The following C2orf74 variants were observed in gnomAD, a reference collection of about 807,000 sequenced individuals.
C2orf74 encodes uncharacterized protein C2orf74.
A neutral mutation model predicts 17.9 loss-of-function variants in C2orf74; 14 were observed. That is an observed-to-expected ratio of 0.78 (90% CI 0.52 to 1.22). The LOEUF (loss-of-function observed/expected upper bound fraction) is 1.22, where lower values mean the gene tolerates loss of function less well. Ranked by LOEUF, C2orf74 falls within the 50% of genes most tolerant of loss-of-function variation. C2orf74 has a pLI of 0.00. For missense variants in C2orf74, 217 were observed against 218.4 expected (o/e 0.99, Z 0.04); for synonymous variants, 79 against 72.6 (o/e 1.09, Z -0.44).
chr2:61,154,418 G>A (rs1159443386), intron 1 of C2orf74, among the ~76,000 whole-genome samples: 3 of 152,126 alleles, frequency 2.0e-5, no homozygotes, highest in Non-Finnish European at 4.4e-5. Context: ...ATAGTGTCCT[G>A]AATGGGGTCC....
At chr2:61,150,105 C>T (rs1385286583) in intron 1 of C2orf74, among the ~76,000 whole-genome samples, 2 of 152,134 alleles carry the variant, frequency 1.3e-5, no homozygotes, top group Non-Finnish European at 2.9e-5. Flanking sequence ...CATGGATATT[C>T]TCTGTAGGGC....
rs1380590834 is a variant in C2orf74 at position 61,164,793 on chromosome 2, C to G, written c.*266C>G. 5 of 263,880 alleles carry G rather than the reference C, an allele frequency of 1.9e-5. No homozygotes were observed. In the Admixed American group the frequency reaches 2.6e-4, roughly 14 times the overall value. 16.3% of individuals were successfully genotyped at this position (263,880 alleles called of 1,614,324 possible). On this transcript the variant is annotated 3_prime_UTR_variant, in exon 5 of 5. Coordinates refer to ENST00000432605, the MANE Select transcript of C2orf74 (RefSeq NM_001143959.4). ...TAAAACTATCTACTCAAACACTGTTCTGGCATGTGAATAAAGTGATTTTTG... is the reference window on the plus strand; with the variant it reads ...TAAAACTATCTACTCAAACACTGTTGTGGCATGTGAATAAAGTGATTTTTG...
upstream of C2orf74, chr2:61,157,958 T>G (rs1486705508): frequency 2.1e-6 from 1 of 471,248 alleles, no homozygotes; most frequent in East Asian, 6.9e-5. Flanking sequence ...GCAGATCCTG[T>G]CACCACGAGT....
chr2:61,148,707 T>C (rs1197785032), intron 1 of C2orf74, among the ~76,000 whole-genome samples: 4 of 152,176 alleles, frequency 2.6e-5, no homozygotes. Context: ...TGTATATGAA[T>C]AGTGTTTAGC....
At chr2:61,152,953 T>C (rs1665274) in intron 1 of C2orf74, among the ~76,000 whole-genome samples, 62,458 of 150,684 alleles carry the variant, frequency 0.41, 13,176 homozygotes, top group Middle Eastern at 0.5. Flanking sequence ...GTCAGGAGTT[T>C]GAGACCAGCC....
intron 4 of C2orf74, among the ~76,000 whole-genome samples, chr2:61,164,138 T>C (rs1377466564): frequency 6.6e-6 from 1 of 152,148 alleles, no homozygotes; most frequent in African/African-American, 2.4e-5. Flanking sequence ...TGGAGAGAAT[T>C]ACATGTCACC....
chr2:61,151,541 C>T (rs143741572), intron 1 of C2orf74: 46 of 151,696 alleles, frequency 3.0e-4, no homozygotes, highest in African/African-American at 1.0e-3. Context: ...TCTGAAGACT[C>T]ATTTGGGGGA....
chr2:61,151,684 A>T (rs1295103864), intron 1 of C2orf74: 1 of 152,108 alleles, frequency 6.6e-6, no homozygotes, highest in Non-Finnish European at 1.5e-5. Context: ...TCCTTACAAC[A>T]TGGCAACTGG....
intron 1 of C2orf74, chr2:61,151,577 T>C (rs1685229902): frequency 6.6e-6 from 1 of 151,836 alleles, no homozygotes; most frequent in Admixed American, 6.6e-5. Context: ...CTTCTTCACA[T>C]GGTTATTGGC....
At chr2:61,158,998 T>A (rs990274807), upstream of C2orf74, among the ~76,000 whole-genome samples, 7 of 152,002 alleles carry the variant, frequency 4.6e-5, no homozygotes, top group Admixed American at 2.0e-4. Context: ...TTTGTTTGTT[T>A]GTTTGTTTGT....
chr2:61,164,719 A>AT lies in C2orf74; in HGVS notation c.*198dup. The AT allele has an allele frequency of 2.3e-6, 1 of 425,980 alleles. No homozygotes were observed. The highest frequency in any genetic ancestry group is 4.0e-6 in the Non-Finnish European group (1 of 249,464). 26.4% of individuals were successfully genotyped at this position (425,980 alleles called of 1,614,324 possible). A position where few individuals can be genotyped will look rare whatever the true frequency, so the allele number is the denominator to read the frequency against. On this transcript the variant is annotated 3_prime_UTR_variant, in exon 5 of 5. Transcript: ENST00000432605. ...GTAAAATACTTAGAGCTTGAATATAATTTTTTAAAAATTCAAATCTGAGTT... is the reference window on the plus strand; with the variant it reads ...GTAAAATACTTAGAGCTTGAATATAATTTTTTTAAAAATTCAAATCTGAGTT...
intron 1 of C2orf74, among the ~76,000 whole-genome samples, chr2:61,154,436 A>C (rs1261637435): frequency 1.3e-5 from 2 of 152,116 alleles, no homozygotes; most frequent in African/African-American, 4.8e-5. Context: ...TCCTGGACCC[A>C]AAAAAGACAT....
chr2:61,160,025 T>C (rs773470569), upstream of C2orf74, among the ~76,000 whole-genome samples: 1 of 152,222 alleles, frequency 6.6e-6, no homozygotes, highest in Non-Finnish European at 1.5e-5. Flanking sequence ...CTGCTTTCTG[T>C]GTCTATGAAT....
chr2:61,147,957 T>G (rs903981245), intron 1 of C2orf74, among the ~76,000 whole-genome samples: 2 of 151,176 alleles, frequency 1.3e-5, no homozygotes, highest in Non-Finnish European at 2.9e-5. Context: ...TTAGTAGAGA[T>G]GGGGTTTTGC....
At chr2:61,147,708 T>C (rs922494612) in intron 1 of C2orf74, among the ~76,000 whole-genome samples, 5 of 152,300 alleles carry the variant, frequency 3.3e-5, no homozygotes, top group African/African-American at 1.2e-4. Flanking sequence ...TATACGTTGA[T>C]CCTTTAAAGA....
intron 1 of C2orf74, among the ~76,000 whole-genome samples, chr2:61,150,742 AGAATAGCTCATCACTTTTGTT>A: frequency 6.6e-6 from 1 of 152,312 alleles, no homozygotes; most frequent in South Asian, 2.1e-4. Context: ...ACTACAGGAG[AGAATAGCTCATCACTTTTGTT>A]GGAGTTTATG....
intron 1 of C2orf74, among the ~76,000 whole-genome samples, chr2:61,145,557 G>A (rs921790652): frequency 2.0e-5 from 3 of 151,798 alleles, no homozygotes. Context: ...CCGAGTAGCT[G>A]GAATTACAGG....
intron 1 of C2orf74, among the ~76,000 whole-genome samples, chr2:61,147,382 T>G (rs1173240479): frequency 6.6e-6 from 1 of 152,174 alleles, no homozygotes; most frequent in Non-Finnish European, 1.5e-5. Flanking sequence ...TTATTTTACA[T>G]GTTTTTACAC....
chr2:61,152,981 C>T (rs888645262), intron 1 of C2orf74, among the ~76,000 whole-genome samples: 2 of 151,124 alleles, frequency 1.3e-5, no homozygotes, highest in African/African-American at 2.4e-5. Flanking sequence ...GGAGAAACCC[C>T]GTCTCTACTA....
Sources: gnomAD v4.1 joint callset for allele counts (sites outside exome capture counted in the v4.1 genomes callset) on GRCh38, gnomAD v4.1.1 for gene constraint, MANE v1.5 for transcripts, NCBI Gene and HGNC (gene_info 2026-07-23, HGNC 2026-07-21) for gene names.